The following ADORA1 variants were observed in gnomAD, a reference collection of about 807,000 sequenced individuals.
ADORA1 encodes the protein adenosine A1 receptor, also known as adenosine receptor A1.
A neutral mutation model predicts 19.9 loss-of-function variants in ADORA1; 6 were observed. The observed-to-expected ratio is 0.30, with a 90% CI of 0.17 to 0.59. ADORA1 has a LOEUF of 0.59. Among genes scored for constraint, ADORA1 ranks in the 20% least tolerant of loss-of-function variants. The probability of loss-of-function intolerance (pLI) is 0.87; values close to 1 mark genes in which losing one functional copy is unlikely to be tolerated. For synonymous variants in ADORA1, 194 were observed against 188.4 expected, an observed-to-expected ratio of 1.03 and a Z score of -0.24; for missense variants, 302 against 439.2, an observed-to-expected ratio of 0.69 and a Z score of 2.79.
intron 3 of ADORA1, among the ~76,000 whole-genome samples, chr1:203,137,491 C>T (rs1654547654): frequency 6.6e-6 from 1 of 152,060 alleles, no homozygotes; most frequent in Non-Finnish European, 1.5e-5. Context: ...ACTCTCGTTG[C>T]CGTGTTGAGA....
At chr1:203,161,492 G>C (rs971017036) in intron 3 of ADORA1, among the ~76,000 whole-genome samples, 1 of 151,698 alleles carries the variant, frequency 6.6e-6, no homozygotes, top group Admixed American at 6.6e-5. Flanking sequence ...TAACCCAAAG[G>C]AACGTCTCAT....
intron 3 of ADORA1, among the ~76,000 whole-genome samples, chr1:203,137,740 T>C (rs1468539664): frequency 6.6e-6 from 1 of 152,212 alleles, no homozygotes; most frequent in Non-Finnish European, 1.5e-5. Flanking sequence ...TTTGCATATG[T>C]ATATACCTAT....
intron 3 of ADORA1, among the ~76,000 whole-genome samples, chr1:203,142,675 C>T (rs905281094): frequency 6.6e-6 from 1 of 152,172 alleles, no homozygotes; most frequent in Non-Finnish European, 1.5e-5. Context: ...CCTGCTGTCC[C>T]CATGCTGCCT....
At chr1:203,162,150 A>G (rs966081532) in intron 3 of ADORA1, among the ~76,000 whole-genome samples, 3 of 152,156 alleles carry the variant, frequency 2.0e-5, no homozygotes, top group Non-Finnish European at 2.9e-5. Flanking sequence ...CCCACGTGTA[A>G]GGATAGGTGA....
At chr1:203,139,920 T>C (rs1161451488) in intron 3 of ADORA1, among the ~76,000 whole-genome samples, 1 of 152,218 alleles carries the variant, frequency 6.6e-6, no homozygotes, top group Non-Finnish European at 1.5e-5. Context: ...TTGTGGTTCA[T>C]GGTCAAGAGT....
At chr1:203,153,024 A>G (rs1320408168) in intron 3 of ADORA1, among the ~76,000 whole-genome samples, 1 of 152,116 alleles carries the variant, frequency 6.6e-6, no homozygotes, top group African/African-American at 2.4e-5. Flanking sequence ...CACCCTCTGA[A>G]GCCCCCTCCG....
chr1:203,162,435 C>G (rs1380467689), intron 3 of ADORA1, among the ~76,000 whole-genome samples: 2 of 152,040 alleles, frequency 1.3e-5, no homozygotes, highest in African/African-American at 2.4e-5. Context: ...TCCCTCTCTC[C>G]TGTCTAGGGC....
intron 3 of ADORA1, among the ~76,000 whole-genome samples, chr1:203,152,285 C>G (rs1655061804): frequency 6.6e-6 from 1 of 152,240 alleles, no homozygotes; most frequent in Non-Finnish European, 1.5e-5. Flanking sequence ...TGGGCCCCCT[C>G]TGCTCTCCTG....
intron 3 of ADORA1, among the ~76,000 whole-genome samples, chr1:203,156,390 A>G (rs1161278553): frequency 1.3e-5 from 2 of 152,172 alleles, no homozygotes; most frequent in African/African-American, 4.8e-5. Context: ...ATGAACGGAG[A>G]ATGAACCTTC....
chr1:203,129,208 C>G (rs766175258), intron 3 of ADORA1, 26 bp downstream of exon 3: 2 of 1,582,344 alleles, frequency 1.3e-6, no homozygotes, highest in Non-Finnish European at 1.7e-6. Flanking sequence ...CGAAGGTACT[C>G]GCAGCACCAC....
chr1:203,165,754 G>T lies in ADORA1; in HGVS notation c.835G>T (p.Gly279Cys). The change falls in exon 4 of 4, where the codon GGC (glycine) becomes TGC (cysteine). Residue 279 changes from glycine to cysteine, a missense_variant. Transcript: ENST00000337894. The surrounding 1 kb of genome is among the most constrained non-coding windows in gnomAD (Gnocchi z 5.9). ...LTYIAIFLTHGNSAMNPIVYA... is the reference protein window; with the variant it reads ...LTYIAIFLTHCNSAMNPIVYA... The stretch of plus-strand genomic sequence containing the variant: ...CTACATTGCCATCTTCCTCACGCAC[G>T]GCAACTCGGCCATGAACCCCATTGT... The T allele has an allele frequency of 1.2e-6, 2 of 1,613,762 alleles. No homozygotes were observed. The highest frequency in any genetic ancestry group is 1.7e-6 in the Non-Finnish European group (2 of 1,179,760).
rs181400563 is a variant in ADORA1 at position 203,141,992 on chromosome 1, A to G, written c.341+12810A>G. Among the ~76,000 whole-genome samples, 91 of 152,348 alleles carry G rather than the reference A, an allele frequency of 6.0e-4. No individual in the cohort carries two copies. The East Asian group carries it at 0.014, about 24-fold the overall frequency. On this transcript the variant is annotated intron_variant, in intron 3 of 3. Coordinates refer to ENST00000337894, the MANE Select transcript of ADORA1 (RefSeq NM_000674.3). Reference sequence around the variant, plus strand: ...GTAAGAGCAGTCTCCCCAGGCAGTCAGACTGGAGTAAAAATCCTAGTTCAG... The same window carrying G: ...GTAAGAGCAGTCTCCCCAGGCAGTCGGACTGGAGTAAAAATCCTAGTTCAG...
At position 203,149,757 on chromosome 1, in the gene ADORA1, A is replaced by G. The variant is rs76449830; in HGVS notation, c.342-15504A>G. ...TGTTGAGATGAGCAAGAAGGCTCAG[A>G]ATGGCTTCCTCTTACCAGTTTCTCC... On this transcript the variant is annotated intron_variant, in intron 3 of 3. Transcript: ENST00000337894. Among the ~76,000 whole-genome samples, 1,419 of 152,328 alleles carry G rather than the reference A, an allele frequency of 9.3e-3. 13 individuals are homozygous for G. Among genetic ancestry groups the G allele is most frequent in the African/African-American group, 0.033 (1,357 of 41,572 alleles).
chr1:203,157,404 C>T (rs1218413574), intron 3 of ADORA1, among the ~76,000 whole-genome samples: 1 of 152,276 alleles, frequency 6.6e-6, no homozygotes, highest in Non-Finnish European at 1.5e-5. Context: ...TAGCCTTTTA[C>T]TCCATGTACC....
At chr1:203,129,369 G>T (rs1212087608) in intron 3 of ADORA1, 187 bp downstream of exon 3, 1 of 849,260 alleles carries the variant, frequency 1.2e-6, no homozygotes, top group African/African-American at 1.8e-5. Flanking sequence ...GGAGGGGGAT[G>T]GGTGGCTGGA....
intron 3 of ADORA1, among the ~76,000 whole-genome samples, chr1:203,142,688 T>C (rs150090438): frequency 1.3e-5 from 2 of 152,184 alleles, no homozygotes; most frequent in East Asian, 3.9e-4. Flanking sequence ...TGCTGCCTGT[T>C]TGTATGTGGG....
Position 203,165,786 on chromosome 1 carries a change from C to T in ADORA1, c.867C>T (p.Ala289=). ...GNSAMNPIVY[A]FRIQKFRVTF... ...CGGCCATGAACCCCATTGTCTATGC[C>T]TTCCGCATCCAGAAGTTCCGCGTCA... The change falls in exon 4 of 4, where the codon GCC becomes GCT. Residue 289 remains alanine, a synonymous_variant. Coordinates refer to ENST00000337894, the MANE Select transcript of ADORA1 (RefSeq NM_000674.3). The surrounding 1 kb of genome is among the most constrained non-coding windows in gnomAD (Gnocchi z 5.9). 6.2e-7 allele frequency: 1 copy of T among 1,613,620 alleles called. No individual in the cohort carries two copies. Among genetic ancestry groups the T allele is most frequent in the Non-Finnish European group, 8.5e-7 (1 of 1,179,694 alleles).
chr1:203,156,418 T>C (rs1655200702), intron 3 of ADORA1, among the ~76,000 whole-genome samples: 1 of 152,004 alleles, frequency 6.6e-6, no homozygotes, highest in Admixed American at 6.5e-5. Flanking sequence ...TTTCAGGAAA[T>C]GAACAGGAAG....
chr1:203,131,477 G>A (rs888643601), intron 3 of ADORA1, among the ~76,000 whole-genome samples: 1 of 152,130 alleles, frequency 6.6e-6, no homozygotes, highest in African/African-American at 2.4e-5. Context: ...CCAGGTTTAC[G>A]GAACACACAC....
Sources: gnomAD v4.1 joint callset for allele counts (sites outside exome capture counted in the v4.1 genomes callset) on GRCh38, gnomAD v4.1.1 for gene constraint, Gnocchi (gnomAD v3.1) non-coding constraint, MANE v1.5 for transcripts, NCBI Gene and HGNC (gene_info 2026-07-23, HGNC 2026-07-21) for gene names.